RAD52: variants seen among roughly 807,000 people sequenced by gnomAD.
The protein encoded by RAD52 is DNA repair protein RAD52 homolog.
Under a neutral mutation model 55.5 loss-of-function variants are expected in RAD52, and 47 were observed. The ratio of observed to expected loss-of-function variants is 0.85; its 90% CI spans 0.67 to 1.08. RAD52 has a LOEUF of 1.08. RAD52 is among the 50% of genes least tolerant of loss of function. The pLI is 0.00. For synonymous variants in RAD52, 184 were observed against 198.9 expected, an observed-to-expected ratio of 0.92 and a Z score of 0.63; for missense variants, 468 against 522.8, an observed-to-expected ratio of 0.90 and a Z score of 1.02.
chr12:973,154 C>T (rs1958888889), intron 1 of RAD52, among the ~76,000 whole-genome samples: 1 of 152,098 alleles, frequency 6.6e-6, no homozygotes, highest in Non-Finnish European at 1.5e-5. Flanking sequence ...ACTGCAAGCT[C>T]CCCCTCCCGG....
chr12:917,926 C>T (rs931605418), intron 7 of RAD52, among the ~76,000 whole-genome samples: 3 of 151,968 alleles, frequency 2.0e-5, no homozygotes, highest in African/African-American at 7.3e-5. Context: ...GGCGACAGAG[C>T]AAGACTGTGT....
intron 1 of RAD52, among the ~76,000 whole-genome samples, chr12:969,300 A>G (rs545093586): frequency 6.6e-6 from 1 of 152,180 alleles, no homozygotes; most frequent in South Asian, 2.1e-4. Flanking sequence ...TCAAAGAATT[A>G]TTTAACATTC....
chr12:961,225 G>A (rs1352776701), intron 1 of RAD52, among the ~76,000 whole-genome samples: 3 of 147,250 alleles, frequency 2.0e-5, no homozygotes, highest in Admixed American at 6.9e-5. Context: ...CAGGAGAATC[G>A]CTTGAACCTG....
At chr12:960,277 A>G (rs896451746) in intron 1 of RAD52, among the ~76,000 whole-genome samples, 4 of 152,204 alleles carry the variant, frequency 2.6e-5, no homozygotes, top group African/African-American at 7.2e-5. Flanking sequence ...AATAACAGAT[A>G]TGGAAAATGT....
chr12:937,180 G>A (rs932044234), intron 1 of RAD52, among the ~76,000 whole-genome samples: 2 of 152,152 alleles, frequency 1.3e-5, no homozygotes, highest in Admixed American at 1.3e-4. Flanking sequence ...CCTCCTGGGA[G>A]ACAGCTTTAG....
At chr12:963,494 T>C (rs1408531815) in intron 1 of RAD52, among the ~76,000 whole-genome samples, 1 of 151,930 alleles carries the variant, frequency 6.6e-6, no homozygotes, top group African/African-American at 2.4e-5. Flanking sequence ...TAAAGAAAAA[T>C]GCAGGATATC....
chr12:929,982 T>C, intron 4 of RAD52, 69 bp downstream of exon 4: 1 of 1,576,980 alleles, frequency 6.3e-7, no homozygotes, highest in Non-Finnish European at 8.7e-7. Flanking sequence ...CCTTACCTCC[T>C]CACCCACAGC....
intron 1 of RAD52, among the ~76,000 whole-genome samples, chr12:962,537 T>C (rs1176397351): frequency 1.3e-5 from 2 of 149,794 alleles, no homozygotes; most frequent in African/African-American, 4.9e-5. Context: ...TTAGTAGAGA[T>C]AGGGTTTCAT....
At chr12:976,255 G>C (rs1279405963) in intron 1 of RAD52, 2 of 152,338 alleles carry the variant, frequency 1.3e-5, no homozygotes, top group Admixed American at 6.5e-5. Context: ...GGGAGGCAGA[G>C]GTTGCAGTGA....
chr12:946,273 G>A (rs536472891), intron 1 of RAD52, among the ~76,000 whole-genome samples: 1 of 152,248 alleles, frequency 6.6e-6, no homozygotes, highest in Non-Finnish European at 1.5e-5. Context: ...AATGCTAAAA[G>A]CTGCAGAGAT....
intron 1 of RAD52, among the ~76,000 whole-genome samples, chr12:966,339 C>A (rs1270895004): frequency 5.9e-5 from 9 of 152,000 alleles, no homozygotes; most frequent in Non-Finnish European, 1.0e-4. Flanking sequence ...CTTTACTTGA[C>A]TTCCTTATTC....
At chr12:950,490 G>A (rs1015938954), upstream of RAD52, among the ~76,000 whole-genome samples, 6 of 149,640 alleles carry the variant, frequency 4.0e-5, no homozygotes, top group Admixed American at 6.7e-5. Flanking sequence ...AGAATGGCGT[G>A]AACCCCGGGG....
At chr12:920,677 A>T (rs1956678834) in intron 7 of RAD52, among the ~76,000 whole-genome samples, 1 of 152,356 alleles carries the variant, frequency 6.6e-6, no homozygotes, top group South Asian at 2.1e-4. Context: ...TGTAAGGTGA[A>T]ATAAAAGCAA....
chr12:970,196 A>G (rs1043651505), intron 1 of RAD52, among the ~76,000 whole-genome samples: 1 of 151,444 alleles, frequency 6.6e-6, no homozygotes, highest in African/African-American at 2.4e-5. Flanking sequence ...GATCCCAGCT[A>G]CCTGGGTGGG....
At chr12:990,830 C>T (rs566550293), upstream of RAD52, among the ~76,000 whole-genome samples, 9 of 151,806 alleles carry the variant, frequency 5.9e-5, no homozygotes, top group African/African-American at 1.9e-4. Flanking sequence ...GAAGCGGCTC[C>T]TCGGGCTTCC....
chr12:942,745 C>T (rs1009418249), intron 1 of RAD52, among the ~76,000 whole-genome samples: 4 of 147,266 alleles, frequency 2.7e-5, no homozygotes, highest in African/African-American at 5.0e-5. Flanking sequence ...AAGACTCTGT[C>T]TCAAAAAAAA....
intron 7 of RAD52, among the ~76,000 whole-genome samples, chr12:920,125 G>A (rs1270029510): frequency 8.7e-6 from 1 of 114,320 alleles, no homozygotes; most frequent in Non-Finnish European, 1.8e-5. Context: ...GCTGAGGCAG[G>A]AGAACTGCTT....
At chr12:965,126 C>T (rs561184810) in intron 1 of RAD52, among the ~76,000 whole-genome samples, 16 of 151,874 alleles carry the variant, frequency 1.1e-4, no homozygotes, top group South Asian at 4.2e-4. Flanking sequence ...AGTACAGGTG[C>T]GCACCACCAC....
intron 1 of RAD52, 113 bp from the exon 2 acceptor site, chr12:933,189 T>C: frequency 1.4e-6 from 1 of 708,616 alleles, no homozygotes; most frequent in Non-Finnish European, 2.4e-6. Context: ...CCAGGCACAG[T>C]GGCTCATGCC....
Sources: allele counts gnomAD v4.1 joint callset (sites outside exome capture counted in the v4.1 genomes callset), GRCh38; gene constraint gnomAD v4.1.1; transcripts MANE v1.5; gene names NCBI Gene and HGNC (gene_info 2026-07-23, HGNC 2026-07-21).